Variants in ANP32B observed in about 807,000 individuals in gnomAD.
ANP32B encodes the protein acidic leucine-rich nuclear phosphoprotein 32 family member B.
Under a neutral mutation model 32.2 loss-of-function variants are expected in ANP32B, and 6 were observed. The ratio of observed to expected loss-of-function variants is 0.19; its 90% CI spans 0.10 to 0.37. The LOEUF (loss-of-function observed/expected upper bound fraction) is 0.37, where lower values mean the gene tolerates loss of function less well. Ranked by LOEUF, ANP32B falls within the 10% of genes least tolerant of loss-of-function variation. ANP32B has a pLI of 1.00. For missense variants in ANP32B, 204 were observed against 289.2 expected (o/e 0.71, Z 2.14); for synonymous variants, 98 against 105.8 (o/e 0.93, Z 0.45).
chr9:97,985,965 G>A (rs1827724943), intron 1 of ANP32B, among the ~76,000 whole-genome samples: 2 of 152,204 alleles, frequency 1.3e-5, no homozygotes, highest in South Asian at 4.1e-4. Context: ...GGGATTACAG[G>A]CATGCGCCAC....
At chr9:97,995,951 A>T (rs545933130) in intron 2 of ANP32B, among the ~76,000 whole-genome samples, 13 of 149,972 alleles carry the variant, frequency 8.7e-5, no homozygotes, top group African/African-American at 3.2e-4. Flanking sequence ...AAAAAAAAAA[A>T]GTATAATACA....
At chr9:97,994,162 A>C (rs1317449268) in intron 1 of ANP32B, among the ~76,000 whole-genome samples, 2 of 152,226 alleles carry the variant, frequency 1.3e-5, no homozygotes, top group African/African-American at 4.8e-5. Flanking sequence ...GCGTTGGTGC[A>C]GAAACCTCTA....
Position 98,015,621 on chromosome 9 carries a change from C to T in ANP32B, c.*190C>T. ...CCATGTAGTCCCTCTTGGTAATCTA[C>T]CACCAAGCTTGTGGACTTCACCCCA... is the stretch of plus-strand genomic sequence containing the variant. On this transcript the variant is annotated 3_prime_UTR_variant, in exon 7 of 7. Coordinates refer to ENST00000339399, the MANE Select transcript of ANP32B (RefSeq NM_006401.3). 3 of 1,304,764 alleles carry T rather than the reference C, an allele frequency of 2.3e-6. No individual in the cohort carries two copies. The highest frequency in any genetic ancestry group is 2.0e-6 in the Non-Finnish European group (2 of 1,018,788). 80.8% of individuals were successfully genotyped at this position (1,304,764 alleles called of 1,614,324 possible).
chr9:98,005,501 AAGAC>A (rs780122970), intron 4 of ANP32B, among the ~76,000 whole-genome samples: 2 of 152,092 alleles, frequency 1.3e-5, no homozygotes, highest in Non-Finnish European at 2.9e-5. Flanking sequence ...TCCGTCTCAG[AAGAC>A]AGACAGGGTG....
intron 6 of ANP32B, among the ~76,000 whole-genome samples, chr9:98,013,878 C>T (rs1828231368): frequency 1.3e-5 from 2 of 152,054 alleles, no homozygotes; most frequent in South Asian, 2.1e-4. Context: ...AAGTTAGCTG[C>T]ACATGGTGGT....
chr9:97,998,719 T>A, intron 3 of ANP32B, 41 bp downstream of exon 3: 1 of 1,491,356 alleles, frequency 6.7e-7, no homozygotes, highest in African/African-American at 1.4e-5. Flanking sequence ...TTACTGGTCA[T>A]TTTCATTTTC....
intron 3 of ANP32B, chr9:98,002,507 T>C (rs1402788548): frequency 2.0e-5 from 3 of 152,218 alleles, no homozygotes; most frequent in African/African-American, 7.2e-5. Flanking sequence ...ACACATTACA[T>C]TGGGATCCTG....
intron 1 of ANP32B, among the ~76,000 whole-genome samples, chr9:97,993,717 C>T (rs1827864393): frequency 6.6e-6 from 1 of 152,212 alleles, no homozygotes; most frequent in African/African-American, 2.4e-5. Context: ...CTAACTGCCA[C>T]CTCCACCTCC....
At chr9:97,999,352 C>T (rs1356263398) in intron 3 of ANP32B, among the ~76,000 whole-genome samples, 1 of 152,182 alleles carries the variant, frequency 6.6e-6, no homozygotes, top group Non-Finnish European at 1.5e-5. Flanking sequence ...TGTACTTTTA[C>T]ACTTTAACAG....
At chr9:97,992,691 G>A (rs189239278) in intron 1 of ANP32B, among the ~76,000 whole-genome samples, 24 of 152,214 alleles carry the variant, frequency 1.6e-4, no homozygotes, top group Admixed American at 1.1e-3. Context: ...GATGACAGTC[G>A]ACCTTTTTAA....
Position 97,983,352 on chromosome 9 carries a change from A to C in ANP32B, c.-204A>C. On this transcript the variant is annotated 5_prime_UTR_variant, in exon 1 of 7. It removes an upstream start codon present in the reference 5' UTR. Transcript: ENST00000339399. ...TGCGCTCCAGCCCCCTTTTCCCTCC[A>C]TGGTTTCTCTCCGCTCCCGTGAGTA... 1.9e-6 allele frequency: 1 copy of C among 523,706 alleles called. No homozygotes were observed. The highest frequency in any genetic ancestry group is 3.7e-5 in the East Asian group (1 of 27,264). 32.4% of individuals were successfully genotyped at this position (523,706 alleles called of 1,614,324 possible).
chr9:97,992,235 A>G (rs1464680475), intron 1 of ANP32B, among the ~76,000 whole-genome samples: 3 of 152,090 alleles, frequency 2.0e-5, no homozygotes, highest in Non-Finnish European at 2.9e-5. Flanking sequence ...GATTACAGGC[A>G]CACGCCACCA....
intron 6 of ANP32B, among the ~76,000 whole-genome samples, chr9:98,013,970 G>A (rs954596643): frequency 5.3e-5 from 8 of 152,164 alleles, no homozygotes; most frequent in South Asian, 2.1e-4. Context: ...TAGTGCCACC[G>A]CACTCCAGCC....
chr9:97,997,080 A>G lies in ANP32B; in HGVS notation c.205-1476A>G, dbSNP rs369377450. On this transcript the variant is annotated intron_variant, in intron 2 of 6. Transcript: ENST00000339399. ...CTACTCCCTAAGATACACATGTTGA[A>G]AGGATGTGGATGTTACATGTGTATG... is the stretch of plus-strand genomic sequence containing the variant. Among the ~76,000 whole-genome samples, 24 of 152,312 alleles carry G rather than the reference A, an allele frequency of 1.6e-4. 1 individual carries two copies. In the South Asian group the frequency reaches 5.0e-3, roughly 32 times the overall value.
Position 97,983,482 on chromosome 9 carries a change from G to A in ANP32B, c.-74G>A. The A allele has an allele frequency of 7.3e-7, 1 of 1,373,778 alleles. No homozygotes were observed. The highest frequency in any genetic ancestry group is 1.0e-6 in the Non-Finnish European group (1 of 999,006). 85.1% of individuals were successfully genotyped at this position (1,373,778 alleles called of 1,614,324 possible). Reference sequence around the variant, plus strand: ...AAACCCTTCCGACGGCCCTCGCTGCGCAAGCCGGGACGCCTCTCCCCCCTC... The same window carrying A: ...AAACCCTTCCGACGGCCCTCGCTGCACAAGCCGGGACGCCTCTCCCCCCTC... On this transcript the variant is annotated 5_prime_UTR_variant, in exon 1 of 7. Coordinates refer to ENST00000339399, the MANE Select transcript of ANP32B (RefSeq NM_006401.3).
In ANP32B at chr9:98,000,363, A is replaced by G. The variant is rs78383260; in HGVS notation, c.327+1685A>G. On this transcript the variant is annotated intron_variant, in intron 3 of 6. Coordinates refer to ENST00000339399, the MANE Select transcript of ANP32B (RefSeq NM_006401.3). ...AAATGTGATGCCTCACCAGTGCTCC[A>G]TGCATTTTGCCCTTTTTCCTATTAC... Among the ~76,000 whole-genome samples, 423 of 152,302 alleles carry G rather than the reference A, an allele frequency of 2.8e-3. 7 individuals carry two copies. The East Asian group carries it at 0.051, about 18-fold the overall frequency.
intron 1 of ANP32B, among the ~76,000 whole-genome samples, chr9:97,983,901 T>C (rs1391700591): frequency 1.3e-5 from 2 of 151,734 alleles, no homozygotes; most frequent in Admixed American, 1.3e-4. Flanking sequence ...CGTGTGCAAG[T>C]GGCCGGCGGC....
intron 1 of ANP32B, among the ~76,000 whole-genome samples, chr9:97,984,368 C>G (rs1827662484): frequency 6.6e-6 from 1 of 151,508 alleles, no homozygotes; most frequent in African/African-American, 2.4e-5. Flanking sequence ...TTCTCTCGCT[C>G]CCTCTTCGCC....
intron 6 of ANP32B, 130 bp downstream of exon 6, chr9:98,012,602 C>A: frequency 7.4e-7 from 1 of 1,354,164 alleles, no homozygotes; most frequent in South Asian, 1.3e-5. Flanking sequence ...CATTCACATT[C>A]TCGTTTCTAT....
Sources: gnomAD v4.1 joint callset for allele counts (sites outside exome capture counted in the v4.1 genomes callset) on GRCh38, gnomAD v4.1.1 for gene constraint, MANE v1.5 for transcripts, NCBI Gene and HGNC (gene_info 2026-07-23, HGNC 2026-07-21) for gene names.